Variants in NCAM1 observed in about 807,000 individuals in gnomAD.
The protein encoded by NCAM1 is neural cell adhesion molecule 1, also known as antigen recognized by monoclonal antibody 5.1H11.
Under a neutral mutation model 109.8 loss-of-function variants are expected in NCAM1, and 14 were observed. The observed-to-expected ratio is 0.13, with a 90% CI of 0.08 to 0.20. The LOEUF (loss-of-function observed/expected upper bound fraction) is 0.20, where lower values mean the gene tolerates loss of function less well. NCAM1 is among the 10% of genes least tolerant of loss of function. The pLI, the probability that NCAM1 is intolerant of heterozygous loss-of-function variation, is 1.00. For missense variants in NCAM1, 774 were observed against 1,109.9 expected, an observed-to-expected ratio of 0.70 and a Z score of 4.30; for synonymous variants, 418 against 442.9, an observed-to-expected ratio of 0.94 and a Z score of 0.70.
chr11:113,102,843 T>C (rs1187469328), intron 1 of NCAM1, among the ~76,000 whole-genome samples: 1 of 152,208 alleles, frequency 6.6e-6, no homozygotes, highest in Non-Finnish European at 1.5e-5. Flanking sequence ...AGCTTGTAAA[T>C]CTTTTAATTC....
intron 1 of NCAM1, among the ~76,000 whole-genome samples, chr11:113,047,388 T>C (rs1953307439): frequency 6.6e-6 from 1 of 152,108 alleles, no homozygotes; most frequent in African/African-American, 2.4e-5. Flanking sequence ...ACTGTAAAAA[T>C]ATTTGAAATA....
chr11:113,197,023 G>A (rs956201847), intron 1 of NCAM1, among the ~76,000 whole-genome samples: 6 of 152,138 alleles, frequency 3.9e-5, no homozygotes, highest in Non-Finnish European at 5.9e-5. Context: ...CCTTCTTCAC[G>A]TGGCAGCAGG....
chr11:112,982,797 A>G lies in NCAM1; in HGVS notation c.52+21133A>G, dbSNP rs76451067. Among the ~76,000 whole-genome samples, 348 of 152,026 alleles carry G rather than the reference A, an allele frequency of 2.3e-3. 7 individuals are homozygous for G. Among genetic ancestry groups the G allele is most frequent in the East Asian group, 0.018 (95 of 5,152 alleles). On this transcript the variant is annotated intron_variant, in intron 1 of 19. Transcript: ENST00000316851. ...GACTTTTAATTTTTTAAAAAAGGTA[A>G]TAGTTTGGCTTGGGAAAGGTGACCC...
intron 14 of NCAM1, 185 bp downstream of exon 14, chr11:113,235,349 C>G: frequency 4.7e-6 from 6 of 1,275,102 alleles, no homozygotes; most frequent in Non-Finnish European, 6.8e-6. Context: ...ACAGTCCCTT[C>G]ATTCTCTCTT....
intron 1 of NCAM1, among the ~76,000 whole-genome samples, chr11:112,967,940 G>A (rs1325486027): frequency 2.6e-5 from 4 of 152,174 alleles, no homozygotes; most frequent in Non-Finnish European, 4.4e-5. Context: ...TCTTGCTTTT[G>A]CGAAGGTTAG....
intron 1 of NCAM1, among the ~76,000 whole-genome samples, chr11:113,051,495 A>C (rs1263433281): frequency 1.3e-5 from 2 of 151,156 alleles, no homozygotes; most frequent in Middle Eastern, 3.2e-3. Flanking sequence ...CAGATAAACA[A>C]AATAGGAAAA....
chr11:113,099,679 G>T (rs6589358), intron 1 of NCAM1, among the ~76,000 whole-genome samples: 11,112 of 152,098 alleles, frequency 0.073, 775 homozygotes, highest in Admixed American at 0.17. Flanking sequence ...GGCTTTTTAT[G>T]TATTTATTTT....
intron 1 of NCAM1, among the ~76,000 whole-genome samples, chr11:113,072,733 CT>C (rs11373449): frequency 6.9e-5 from 10 of 145,458 alleles, no homozygotes; most frequent in Non-Finnish European, 9.0e-5. Context: ...CTAGAGTCAT[CT>C]TTTTTTTTTT....
intron 1 of NCAM1, among the ~76,000 whole-genome samples, chr11:113,113,369 GAAAT>G (rs1162557243): frequency 6.6e-6 from 1 of 152,148 alleles, no homozygotes; most frequent in Non-Finnish European, 1.5e-5. Flanking sequence ...GCAATGTAAA[GAAAT>G]AAGCAATGTC....
At chr11:113,000,070 G>C (rs1430170793) in intron 1 of NCAM1, among the ~76,000 whole-genome samples, 2 of 152,098 alleles carry the variant, frequency 1.3e-5, no homozygotes, top group Non-Finnish European at 2.9e-5. Context: ...AGGTAGACCT[G>C]GCCTGATATT....
At chr11:113,171,955 A>C (rs1943009590) in intron 1 of NCAM1, among the ~76,000 whole-genome samples, 1 of 152,182 alleles carries the variant, frequency 6.6e-6, no homozygotes, top group African/African-American at 2.4e-5. Flanking sequence ...ATTTGGAGAC[A>C]GACACACTTG....
At chr11:112,988,704 C>G (rs576457208) in intron 1 of NCAM1, among the ~76,000 whole-genome samples, 2 of 148,562 alleles carry the variant, frequency 1.3e-5, no homozygotes, top group East Asian at 3.9e-4. Flanking sequence ...AGTTTCTTTT[C>G]TTTTGCTGCT....
At chr11:113,126,466 C>T (rs1246227196) in intron 1 of NCAM1, among the ~76,000 whole-genome samples, 1 of 152,136 alleles carries the variant, frequency 6.6e-6, no homozygotes, top group Non-Finnish European at 1.5e-5. Flanking sequence ...GGGCCTACCC[C>T]ATGTGCTCAT....
In NCAM1 at chr11:112,962,970, C is replaced by T. The variant is rs1405798083; in HGVS notation, c.52+1306C>T. Reference sequence around the variant, plus strand: ...GTTGTACCTGCCCTGGACGGCCGACCCCCGGTTGGGGAGCGCACGGGGCGG... The same window carrying T: ...GTTGTACCTGCCCTGGACGGCCGACTCCCGGTTGGGGAGCGCACGGGGCGG... On this transcript the variant is annotated intron_variant, in intron 1 of 19. Coordinates refer to ENST00000316851, the MANE Select transcript of NCAM1 (RefSeq NM_181351.5). The surrounding 1 kb of genome is among the most constrained non-coding windows in gnomAD (Gnocchi z 5.6). Among the ~76,000 whole-genome samples the T allele has an allele frequency of 2.0e-5, 3 of 152,062 alleles. No homozygotes were observed. Among genetic ancestry groups the T allele is most frequent in the Non-Finnish European group, 2.9e-5 (2 of 67,980 alleles).
At position 113,094,071 on chromosome 11, in the gene NCAM1, A is replaced by G. The variant is rs913040291; in HGVS notation, c.53-108308A>G. Among the ~76,000 whole-genome samples the G allele has an allele frequency of 1.1e-3, 160 of 152,184 alleles. 1 individual carries two copies. The highest frequency in any genetic ancestry group is 1.2e-4 in the Non-Finnish European group (8 of 68,028). ...CAGATAAGTGGTATCATGCTGCTTCAAATACAGAGGGAAACATAGGGTCCC... is the reference window on the plus strand; with the variant it reads ...CAGATAAGTGGTATCATGCTGCTTCGAATACAGAGGGAAACATAGGGTCCC... On this transcript the variant is annotated intron_variant, in intron 1 of 19. Coordinates refer to ENST00000316851, the MANE Select transcript of NCAM1 (RefSeq NM_181351.5).
chr11:113,154,726 T>C (rs1199221404), intron 1 of NCAM1, among the ~76,000 whole-genome samples: 5 of 152,138 alleles, frequency 3.3e-5, no homozygotes, highest in African/African-American at 1.2e-4. Context: ...CCTTACTTTC[T>C]TGATAAAGGA....
At chr11:112,967,633 A>G (rs1306144397) in intron 1 of NCAM1, among the ~76,000 whole-genome samples, 7 of 152,236 alleles carry the variant, frequency 4.6e-5, no homozygotes, top group Admixed American at 4.6e-4. Flanking sequence ...TTCATTAGTG[A>G]GCAAGAAGGA....
intron 1 of NCAM1, among the ~76,000 whole-genome samples, chr11:113,139,748 A>G (rs1941744953): frequency 6.6e-6 from 1 of 151,998 alleles, no homozygotes; most frequent in Non-Finnish European, 1.5e-5. Flanking sequence ...CTTTCTGTAC[A>G]TTTTCAGCAA....
rs145671050 is a variant in NCAM1 at position 112,971,252 on chromosome 11, G to GTC, written c.52+9606_52+9607dup. 5.3e-4 allele frequency among the ~76,000 whole-genome samples: 79 copies of GTC among 149,044 alleles called. 1 individual carries two copies. The highest frequency in any genetic ancestry group is 3.4e-3 in the Middle Eastern group (1 of 292). On this transcript the variant is annotated intron_variant, in intron 1 of 19. Coordinates refer to ENST00000316851, the MANE Select transcript of NCAM1 (RefSeq NM_181351.5). The stretch of plus-strand genomic sequence containing the variant: ...TCTCTCTCTCTCTCTCTCTGTCTCT[G>GTC]TCTCTCTCTCTCTCTCTCTGTGTAA...
Sources: gnomAD v4.1 joint callset for allele counts (sites outside exome capture counted in the v4.1 genomes callset) on GRCh38, gnomAD v4.1.1 for gene constraint, Gnocchi (gnomAD v3.1) non-coding constraint, MANE v1.5 for transcripts, NCBI Gene and HGNC (gene_info 2026-07-23, HGNC 2026-07-21) for gene names.